FUT8: variants seen among roughly 807,000 people sequenced by gnomAD.
The protein encoded by FUT8 is alpha-(1,6)-fucosyltransferase.
FUT8 carries 29 observed loss-of-function variants against 71.3 expected under a neutral mutation model. The ratio of observed to expected loss-of-function variants is 0.41; its 90% CI spans 0.30 to 0.55. FUT8 has a LOEUF of 0.55. FUT8 is among the 20% of genes least tolerant of loss of function. The probability of loss-of-function intolerance (pLI) is 0.34; values close to 1 mark genes in which losing one functional copy is unlikely to be tolerated. For missense variants in FUT8, 544 were observed against 702.1 expected (o/e 0.77, Z 2.55); for synonymous variants, 254 against 239.3 (o/e 1.06, Z -0.57).
At chr14:65,622,910 GT>G (rs33918554) in intron 5 of FUT8, among the ~76,000 whole-genome samples, 52 of 128,842 alleles carry the variant, frequency 4.0e-4, no homozygotes, top group African/African-American at 6.5e-4. Context: ...GAGCTTCTCT[GT>G]TTTTTTTTTT....
At chr14:65,673,706 C>G (rs1278679804) in intron 7 of FUT8, among the ~76,000 whole-genome samples, 1 of 152,154 alleles carries the variant, frequency 6.6e-6, no homozygotes, top group African/African-American at 2.4e-5. Flanking sequence ...TAAAAACAAG[C>G]ATCACTTACA....
chr14:65,680,301 T>G (rs770055459), intron 7 of FUT8, among the ~76,000 whole-genome samples: 1 of 152,252 alleles, frequency 6.6e-6, no homozygotes, highest in Non-Finnish European at 1.5e-5. Context: ...TATTCTCTTA[T>G]GTTTTCTTCC....
Position 65,423,438 on chromosome 14 carries a change from T to G in FUT8, c.-326+10224T>G, listed in dbSNP as rs186045584. On this transcript the variant is annotated intron_variant, in intron 1 of 10. Coordinates refer to ENST00000673929, the MANE Select transcript of FUT8 (RefSeq NM_001371533.1). ...CACTACGCCAGGCTAATTTTTTGTA[T>G]TTTTAGTAGAGACTGGGGTTTCACA... 6.9e-4 allele frequency among the ~76,000 whole-genome samples: 105 copies of G among 152,118 alleles called. 3 individuals are homozygous for G. The highest frequency in any genetic ancestry group is 2.5e-4 in the Non-Finnish European group (17 of 67,996).
At chr14:65,687,020 T>C (rs1423367063) in intron 7 of FUT8, among the ~76,000 whole-genome samples, 3 of 152,194 alleles carry the variant, frequency 2.0e-5, no homozygotes, top group Non-Finnish European at 2.9e-5. Context: ...ATGGACTCTT[T>C]GTGTTTCTAA....
intron 2 of FUT8, among the ~76,000 whole-genome samples, chr14:65,553,653 C>T (rs534147568): frequency 1.3e-5 from 2 of 148,474 alleles, no homozygotes; most frequent in South Asian, 4.3e-4. Flanking sequence ...CCTTTATTTG[C>T]CTTTGTTTTG....
chr14:65,698,110 ATATT>A (rs1444780811), intron 7 of FUT8, among the ~76,000 whole-genome samples: 1 of 152,232 alleles, frequency 6.6e-6, no homozygotes, highest in African/African-American at 2.4e-5. Context: ...ATGAATTTCA[ATATT>A]TATTTCAATA....
chr14:65,613,505 A>G (rs1889115855), intron 3 of FUT8, among the ~76,000 whole-genome samples: 2 of 152,180 alleles, frequency 1.3e-5, no homozygotes, highest in Admixed American at 1.3e-4. Context: ...TGTGCACCTA[A>G]CTACTGTATT....
In FUT8 at chr14:65,620,123, T is replaced by G. The variant is rs561321899; in HGVS notation, c.482+3750T>G. Among the ~76,000 whole-genome samples, 31 of 152,110 alleles carry G rather than the reference T, an allele frequency of 2.0e-4. No homozygotes were observed. In the East Asian group the frequency reaches 2.1e-3, roughly 10 times the overall value. On this transcript the variant is annotated intron_variant, in intron 5 of 10. Transcript: ENST00000673929. ...TTATGAAAAGGGTACCAAAGCTGCT[T>G]CTTTCTGCTTTTAAAATTACCATAT... is the stretch of plus-strand genomic sequence containing the variant.
chr14:65,387,069 T>C, the FUT8 span, among the ~76,000 whole-genome samples: 1 of 152,166 alleles, frequency 6.6e-6, no homozygotes, highest in South Asian at 2.1e-4. Flanking sequence ...CTTGAACTTC[T>C]GACCTAAGGT....
At chr14:65,569,047 A>G (rs1212019306) in intron 3 of FUT8, among the ~76,000 whole-genome samples, 1 of 151,848 alleles carries the variant, frequency 6.6e-6, no homozygotes, top group African/African-American at 2.4e-5. Flanking sequence ...AAGCATTTAA[A>G]ACATGTCATT....
intron 5 of FUT8, among the ~76,000 whole-genome samples, chr14:65,623,569 G>A (rs1889737459): frequency 1.3e-5 from 2 of 151,942 alleles, no homozygotes; most frequent in Admixed American, 1.3e-4. Flanking sequence ...TACAAAAAAA[G>A]CTCGTCAGGC....
chr14:65,465,839 C>T (rs1236967377), intron 2 of FUT8, among the ~76,000 whole-genome samples: 8 of 152,172 alleles, frequency 5.3e-5, no homozygotes, highest in Non-Finnish European at 1.0e-4. Flanking sequence ...TTTTCTGCTT[C>T]TGTCAATTAC....
intron 6 of FUT8, among the ~76,000 whole-genome samples, chr14:65,642,434 C>A (rs1302711925): frequency 6.6e-6 from 1 of 151,946 alleles, no homozygotes; most frequent in Non-Finnish European, 1.5e-5. Context: ...AAAACTCCGT[C>A]TCTACTAAAA....
chr14:65,490,158 G>A (rs1394601494), intron 2 of FUT8, among the ~76,000 whole-genome samples: 1 of 151,978 alleles, frequency 6.6e-6, no homozygotes. Context: ...GGCTGTAAGA[G>A]GCTGTTTACT....
At chr14:65,688,040 A>G (rs1292692077) in intron 7 of FUT8, among the ~76,000 whole-genome samples, 34 of 152,154 alleles carry the variant, frequency 2.2e-4, no homozygotes, top group Non-Finnish European at 2.9e-5. Context: ...CTCTATTATT[A>G]ATATTTGTAT....
At chr14:65,522,275 T>C (rs762682421) in intron 2 of FUT8, among the ~76,000 whole-genome samples, 13 of 152,208 alleles carry the variant, frequency 8.5e-5, no homozygotes, top group Non-Finnish European at 1.5e-4. Flanking sequence ...TAGACAGATA[T>C]TGTTATTCTC....
chr14:65,570,095 G>C, intron 3 of FUT8, among the ~76,000 whole-genome samples: 1 of 151,990 alleles, frequency 6.6e-6, no homozygotes, highest in East Asian at 1.9e-4. Context: ...GTGAGTTTAA[G>C]GTAGACCTCA....
At chr14:65,450,031 A>G (rs2065798515) in intron 1 of FUT8, among the ~76,000 whole-genome samples, 1 of 152,186 alleles carries the variant, frequency 6.6e-6, no homozygotes, top group Non-Finnish European at 1.5e-5. Context: ...ATGTTTTCCC[A>G]TGACTTTGGG....
Position 65,640,611 on chromosome 14 carries a change from T to G in FUT8, c.597+11005T>G, listed in dbSNP as rs1260007972. Among the ~76,000 whole-genome samples, 6 of 152,244 alleles carry G rather than the reference T, an allele frequency of 3.9e-5. No individual in the cohort carries two copies. In the East Asian group the frequency reaches 7.7e-4, roughly 20 times the overall value. On this transcript the variant is annotated intron_variant, in intron 6 of 10. Coordinates refer to ENST00000673929, the MANE Select transcript of FUT8 (RefSeq NM_001371533.1). ...TTGGAAGAATAACATCATATTTGTG[T>G]TCTCTAACATAATACTTCATTTAGC...
Sources: allele counts gnomAD v4.1 joint callset (sites outside exome capture counted in the v4.1 genomes callset), GRCh38; gene constraint gnomAD v4.1.1; transcripts MANE v1.5; gene names NCBI Gene and HGNC (gene_info 2026-07-23, HGNC 2026-07-21).